The following RASA3 variants were observed in gnomAD, a reference collection of about 807,000 sequenced individuals.
RASA3 encodes ras GTPase-activating protein 3.
RASA3 carries 73 observed loss-of-function variants against 110.0 expected under a neutral mutation model. The ratio of observed to expected loss-of-function variants is 0.66; its 90% CI spans 0.55 to 0.81. The LOEUF (loss-of-function observed/expected upper bound fraction) is 0.81, where lower values mean the gene tolerates loss of function less well. Among genes scored for constraint, RASA3 ranks in the 30% least tolerant of loss-of-function variants. The pLI, the probability that RASA3 is intolerant of heterozygous loss-of-function variation, is 0.00. For missense variants in RASA3, 976 were observed against 1,113.2 expected (o/e 0.88, Z 1.75); for synonymous variants, 500 against 451.4 (o/e 1.11, Z -1.37).
At chr13:114,131,362 C>T (rs974269800) in intron 1 of RASA3, among the ~76,000 whole-genome samples, 3 of 152,158 alleles carry the variant, frequency 2.0e-5, no homozygotes, top group African/African-American at 7.2e-5. Flanking sequence ...CAGCCTGAAC[C>T]GCGCTGTGGT....
At chr13:114,079,917 CG>C (rs951896971) in intron 1 of RASA3, among the ~76,000 whole-genome samples, 1 of 152,024 alleles carries the variant, frequency 6.6e-6, no homozygotes. Context: ...GAGGAAGAGG[CG>C]GGGGGGCCCC....
rs569987964 is a variant in RASA3 at position 114,016,282 on chromosome 13, G to T, written c.1207-11C>A. On this transcript the variant is annotated splice_polypyrimidine_tract_variant and intron_variant, in intron 12 of 23. Transcript: ENST00000334062. ...GTGGCTCTGGCATATCTGGGGAGAG[G>T]TTTAAGACAGGGCTCTGTGAGTGGG... 2.7e-5 allele frequency: 43 copies of T among 1,563,980 alleles called. No individual in the cohort carries two copies. Among genetic ancestry groups the T allele is most frequent in the Admixed American group, 1.0e-4 (6 of 59,910 alleles).
At chr13:114,063,397 C>T (rs1319765148) in intron 2 of RASA3, among the ~76,000 whole-genome samples, 1 of 145,844 alleles carries the variant, frequency 6.9e-6, no homozygotes, top group Non-Finnish European at 1.5e-5. Flanking sequence ...TAAGTATATT[C>T]ATACTATAAT....
chr13:113,981,595 G>A (rs2052935468), intron 23 of RASA3, 80 bp downstream of exon 23: 14 of 1,501,798 alleles, frequency 9.3e-6, no homozygotes, highest in Admixed American at 3.5e-5. Context: ...CCACCCGGGA[G>A]CTCCCTGCAG....
chr13:114,101,379 C>T (rs2080058744), intron 1 of RASA3, among the ~76,000 whole-genome samples: 1 of 152,226 alleles, frequency 6.6e-6, no homozygotes, highest in Admixed American at 6.5e-5. Context: ...CACGGCCCAC[C>T]AGGGGACTGC....
In RASA3 at chr13:114,056,343, A is replaced by G. The variant is rs1023165464; in HGVS notation, c.174-4188T>C. 1.6e-5 allele frequency: 11 copies of G among 667,012 alleles called. No individual in the cohort carries two copies. In the African/African-American group the frequency reaches 2.2e-4, roughly 13 times the overall value. The allele number at this position is 667,012 out of a possible 1,614,324, so 41.3% of individuals were successfully genotyped here. A position where few individuals can be genotyped will look rare whatever the true frequency, so the allele number is the denominator to read the frequency against. ...AGATGAGGATGCCAGCGCTAAGCAC[A>G]CCCCACAAACGGGCGCCGCGCACCT... On this transcript the variant is annotated intron_variant, in intron 2 of 23. Transcript: ENST00000334062. This position sits in a 1 kb window ranked among gnomAD's most constrained non-coding sequence, Gnocchi z 5.7.
intron 2 of RASA3, among the ~76,000 whole-genome samples, chr13:114,070,146 C>T (rs1381734821): frequency 6.4e-5 from 6 of 93,578 alleles, no homozygotes; most frequent in African/African-American, 2.6e-4. Flanking sequence ...CTCAGGCGGC[C>T]GGGAGACTCG....
At chr13:113,993,407 C>G (rs2053162697) in intron 21 of RASA3, among the ~76,000 whole-genome samples, 1 of 151,808 alleles carries the variant, frequency 6.6e-6, no homozygotes, top group Admixed American at 6.6e-5. Flanking sequence ...AACTCCTGAG[C>G]TCAGGTGATC....
Position 114,056,700 on chromosome 13 carries a change from C to T in RASA3, c.174-4545G>A. 2.1e-6 allele frequency: 2 copies of T among 973,302 alleles called. No individual in the cohort carries two copies. The highest frequency in any genetic ancestry group is 2.4e-6 in the Non-Finnish European group (2 of 818,868). 60.3% of individuals were successfully genotyped at this position (973,302 alleles called of 1,614,324 possible). Reference sequence around the variant, plus strand: ...AGGTGCTTAAAATTCATAAATAAACCAGAAATCCATTCAATAAAAAGAGAT... The same window carrying T: ...AGGTGCTTAAAATTCATAAATAAACTAGAAATCCATTCAATAAAAAGAGAT... On this transcript the variant is annotated intron_variant, in intron 2 of 23. Coordinates refer to ENST00000334062, the MANE Select transcript of RASA3 (RefSeq NM_007368.4). The surrounding 1 kb of genome is among the most constrained non-coding windows in gnomAD (Gnocchi z 5.7).
At chr13:114,074,406 A>G (rs1019300210) in intron 1 of RASA3, among the ~76,000 whole-genome samples, 6 of 152,162 alleles carry the variant, frequency 3.9e-5, no homozygotes, top group African/African-American at 1.4e-4. Context: ...CACTCTACTC[A>G]GCAAATGTCC....
chr13:114,016,914 A>G (rs554110450), intron 12 of RASA3, among the ~76,000 whole-genome samples: 2 of 152,290 alleles, frequency 1.3e-5, no homozygotes, highest in East Asian at 1.9e-4. Flanking sequence ...CCACGCAGCC[A>G]GGGCCCAAAC....
Position 114,016,208 on chromosome 13 carries a change from C to G in RASA3, c.1270G>C (p.Glu424Gln), listed in dbSNP as rs778269384. Residue 424 changes from glutamate (E) to glutamine (Q), a missense_variant, in exon 13 of 24, where the codon GAA becomes CAA. Glu to Gln is a conservative substitution (Grantham distance 29). Transcript: ENST00000334062. ...PVKLKDGENLENNMENLRQYV... is the reference protein window; with the variant it reads ...PVKLKDGENLQNNMENLRQYV... ...TGAACAAAACCTACCATGTTGTTTT[C>G]AAGGTTTTCTCCGTCTTTCAACTTC... 3 of 1,592,748 alleles carry G rather than the reference C, an allele frequency of 1.9e-6. No homozygotes were observed. The highest frequency in any genetic ancestry group is 2.6e-6 in the Non-Finnish European group (3 of 1,160,746).
rs1012228524 is a variant in RASA3 at position 114,115,468 on chromosome 13, C to A, written c.55+16967G>T. On this transcript the variant is annotated intron_variant, in intron 1 of 23. Transcript: ENST00000334062. This position sits in a 1 kb window ranked among gnomAD's most constrained non-coding sequence, Gnocchi z 5.0. ...TGAAGACTGGTCACAAGACAACTTC[C>A]CAGTTTAGAAAATGGTTAACTGATT... Among the ~76,000 whole-genome samples the A allele has an allele frequency of 1.3e-5, 2 of 152,214 alleles. No individual in the cohort carries two copies. The highest frequency in any genetic ancestry group is 4.8e-5 in the African/African-American group (2 of 41,448).
At chr13:114,081,191 C>CAA (rs2079783762) in intron 1 of RASA3, among the ~76,000 whole-genome samples, 1 of 152,246 alleles carries the variant, frequency 6.6e-6, no homozygotes, top group Non-Finnish European at 1.5e-5. Flanking sequence ...GTGCTTGGTG[C>CAA]AAAGGCTGTT....
chr13:114,072,203 G>A (rs2079583531), intron 2 of RASA3, among the ~76,000 whole-genome samples: 1 of 152,134 alleles, frequency 6.6e-6, no homozygotes, highest in Non-Finnish European at 1.5e-5. Flanking sequence ...ATGGCTTCCT[G>A]TCCCTGTGCA....
Position 114,071,196 on chromosome 13 carries a change from C to A in RASA3, c.173+2524G>T, listed in dbSNP as rs535084413. Among the ~76,000 whole-genome samples, 5 of 152,314 alleles carry A rather than the reference C, an allele frequency of 3.3e-5. No individual in the cohort carries two copies. In the East Asian group the frequency reaches 9.7e-4, roughly 29 times the overall value. ...GCAGTGATGTAATCATGGCTCACTGCGGCCTCAACCTCCTGGCCTCAAGCA... is the reference window on the plus strand; with the variant it reads ...GCAGTGATGTAATCATGGCTCACTGAGGCCTCAACCTCCTGGCCTCAAGCA... On this transcript the variant is annotated intron_variant, in intron 2 of 23. Coordinates refer to ENST00000334062, the MANE Select transcript of RASA3 (RefSeq NM_007368.4).
chr13:114,069,456 T>TG (rs1315884757), intron 2 of RASA3, among the ~76,000 whole-genome samples: 1 of 42,404 alleles, frequency 2.4e-5, no homozygotes, highest in East Asian at 8.7e-4. Flanking sequence ...CCGGGAGACT[T>TG]GGGGGGCTGG....
intron 1 of RASA3, among the ~76,000 whole-genome samples, chr13:114,101,654 G>A (rs1342119826): frequency 6.6e-6 from 1 of 152,260 alleles, no homozygotes; most frequent in East Asian, 1.9e-4. Flanking sequence ...GAAGCCAGCA[G>A]TGAAATACAC....
chr13:114,109,485 A>G (rs565082390), intron 1 of RASA3, among the ~76,000 whole-genome samples: 1 of 152,264 alleles, frequency 6.6e-6, no homozygotes, highest in East Asian at 1.9e-4. Flanking sequence ...TAAAGTGAGA[A>G]AAACACCGAC....
Sources: allele counts gnomAD v4.1 joint callset (sites outside exome capture counted in the v4.1 genomes callset), GRCh38; gene constraint gnomAD v4.1.1; non-coding constraint Gnocchi (gnomAD v3.1); transcripts MANE v1.5; gene names NCBI Gene and HGNC (gene_info 2026-07-23, HGNC 2026-07-21).